The following PDPN variants were observed in gnomAD, a reference collection of about 807,000 sequenced individuals.
PDPN encodes the protein PA2.26 antigen.
A neutral mutation model predicts 23.2 loss-of-function variants in PDPN; 12 were observed. The observed-to-expected ratio is 0.52, with a 90% confidence interval of 0.33 to 0.84. The LOEUF is 0.84. Ranked by LOEUF, PDPN falls within the 40% of genes least tolerant of loss-of-function variation. The probability of loss-of-function intolerance (pLI) is 0.02; values close to 1 mark genes in which losing one functional copy is unlikely to be tolerated. For synonymous variants in PDPN, 77 were observed against 76.7 expected, an observed-to-expected ratio of 1.00 and a Z score of -0.02; for missense variants, 199 against 212.2, an observed-to-expected ratio of 0.94 and a Z score of 0.39.
At chr1:13,587,055 T>A (rs355030) in intron 1 of PDPN, among the ~76,000 whole-genome samples, 84,117 of 151,856 alleles carry the variant, frequency 0.55, 25,259 homozygotes, top group African/African-American at 0.78. Context: ...GTCTCAAAAA[T>A]ATATATAAAA....
At chr1:13,585,577 C>G (rs749626279) in intron 1 of PDPN, 1 of 1,351,910 alleles carries the variant, frequency 7.4e-7, no homozygotes, top group Non-Finnish European at 9.8e-7. Flanking sequence ...GGGTAACATC[C>G]TTTGTTTTTG....
chr1:13,608,759 T>C (rs1287762331), intron 2 of PDPN, among the ~76,000 whole-genome samples: 7 of 152,218 alleles, frequency 4.6e-5, no homozygotes, highest in Admixed American at 3.9e-4. Context: ...AAAGGGTTTT[T>C]TTATTCTTAA....
rs1205802455 is a variant in PDPN at position 13,616,591 on chromosome 1, C to G, written c.*680C>G. ...TGTTTCTCCCAAGTAGGCCACCAGG[C>G]AGCCTCTAGAGTTGCTTTACCCAAA... On this transcript the variant is annotated 3_prime_UTR_variant, in exon 6 of 6. Coordinates refer to ENST00000621990, the MANE Select transcript of PDPN (RefSeq NM_006474.5). 1 of 152,734 alleles carries G rather than the reference C, an allele frequency of 6.5e-6. No individual in the cohort carries two copies. Among genetic ancestry groups the G allele is most frequent in the Non-Finnish European group, 1.5e-5 (1 of 68,410 alleles). The allele number at this position is 152,734 out of a possible 1,614,324, so 9.5% of individuals were successfully genotyped here.
chr1:13,601,771 C>T (rs971368352), intron 1 of PDPN, among the ~76,000 whole-genome samples: 2 of 152,162 alleles, frequency 1.3e-5, no homozygotes, highest in African/African-American at 4.8e-5. Flanking sequence ...AATTATATTT[C>T]TCTTTTATTA....
chr1:13,600,774 A>C (rs1640623148), intron 1 of PDPN, among the ~76,000 whole-genome samples: 1 of 152,054 alleles, frequency 6.6e-6, no homozygotes, highest in Non-Finnish European at 1.5e-5. Flanking sequence ...TGCAGTAGGG[A>C]GGAGAGCTCA....
chr1:13,611,400 G>A (rs55916538), intron 3 of PDPN, among the ~76,000 whole-genome samples: 50 of 151,696 alleles, frequency 3.3e-4, no homozygotes, highest in Non-Finnish European at 6.5e-4. Flanking sequence ...ATTCAGCCTT[G>A]AAAATGAAAA....
intron 1 of PDPN, among the ~76,000 whole-genome samples, chr1:13,590,478 C>A (rs1640310443): frequency 6.6e-6 from 1 of 152,104 alleles, no homozygotes; most frequent in African/African-American, 2.4e-5. Flanking sequence ...CTAGAAAAAG[C>A]CTTGTGGGGA....
chr1:13,593,598 C>T (rs1048327743), intron 1 of PDPN, among the ~76,000 whole-genome samples: 2 of 152,194 alleles, frequency 1.3e-5, no homozygotes, highest in Non-Finnish European at 2.9e-5. Context: ...CTGCAGGCCT[C>T]ATCCTCCTGG....
chr1:13,593,769 C>A (rs1240940295), intron 1 of PDPN, among the ~76,000 whole-genome samples: 1 of 152,216 alleles, frequency 6.6e-6, no homozygotes, highest in East Asian at 1.9e-4. Flanking sequence ...GCAAGTGCTT[C>A]CCAAACACAC....
intron 1 of PDPN, among the ~76,000 whole-genome samples, chr1:13,584,646 G>A (rs1211764644): frequency 6.6e-6 from 1 of 152,250 alleles, no homozygotes; most frequent in Admixed American, 6.5e-5. Flanking sequence ...GACTGGAAGA[G>A]GCCTCCTTTA....
intron 1 of PDPN, among the ~76,000 whole-genome samples, chr1:13,588,241 C>T (rs929266645): frequency 6.6e-6 from 1 of 152,154 alleles, no homozygotes; most frequent in Non-Finnish European, 1.5e-5. Flanking sequence ...GAGACCAACC[C>T]TGAGCCACTG....
intron 1 of PDPN, among the ~76,000 whole-genome samples, chr1:13,585,792 G>C (rs865859167): frequency 2.0e-5 from 3 of 152,172 alleles, no homozygotes; most frequent in African/African-American, 4.8e-5. Flanking sequence ...CAGGGTTTTT[G>C]TCTGAGAATA....
intron 3 of PDPN, among the ~76,000 whole-genome samples, chr1:13,612,764 G>C (rs79293325): frequency 1.0e-3 from 156 of 152,292 alleles, no homozygotes; most frequent in Non-Finnish European, 1.9e-3. Flanking sequence ...ATTAGAAAAA[G>C]TAGGCATCTT....
chr1:13,610,817 T>A (rs1182863178), intron 3 of PDPN, among the ~76,000 whole-genome samples: 2 of 152,182 alleles, frequency 1.3e-5, no homozygotes, highest in African/African-American at 4.8e-5. Flanking sequence ...GTGAAGAACT[T>A]TGTGTTGACA....
intron 1 of PDPN, chr1:13,595,689 C>T (rs889128968): frequency 1.2e-5 from 5 of 431,704 alleles, no homozygotes; most frequent in Non-Finnish European, 4.6e-6. Context: ...CGTCATTGGT[C>T]TCATCCCACA....
chr1:13,596,975 C>G (rs77115659), intron 1 of PDPN, among the ~76,000 whole-genome samples: 1 of 151,970 alleles, frequency 6.6e-6, no homozygotes, highest in Non-Finnish European at 1.5e-5. Flanking sequence ...TTCTACTGTT[C>G]GGGGTGTGTT....
intron 1 of PDPN, among the ~76,000 whole-genome samples, chr1:13,598,801 C>T (rs570268735): frequency 6.6e-4 from 101 of 152,244 alleles, no homozygotes; most frequent in Non-Finnish European, 1.3e-3. Context: ...CCCATTCACT[C>T]AACAGCTACT....
chr1:13,590,520 G>C (rs1052079535), intron 1 of PDPN, among the ~76,000 whole-genome samples: 37 of 152,326 alleles, frequency 2.4e-4, no homozygotes, highest in African/African-American at 8.4e-4. Context: ...GTGAAAAATG[G>C]TGGGGTTGGT....
At chr1:13,602,201 A>C (rs919580082) in intron 1 of PDPN, among the ~76,000 whole-genome samples, 1 of 152,134 alleles carries the variant, frequency 6.6e-6, no homozygotes, top group African/African-American at 2.4e-5. Context: ...GGTGGTGGGC[A>C]CCTGTAGTCC....
Sources: gnomAD v4.1 joint callset for allele counts (sites outside exome capture counted in the v4.1 genomes callset) on GRCh38, gnomAD v4.1.1 for gene constraint, MANE v1.5 for transcripts, NCBI Gene and HGNC (gene_info 2026-07-23, HGNC 2026-07-21) for gene names.